MTA3: variants seen among roughly 807,000 people sequenced by gnomAD.
The protein encoded by MTA3 is metastasis-associated protein MTA3.
In MTA3, 34 loss-of-function variants were observed where a neutral mutation model predicts 83.5. The observed-to-expected ratio is 0.41, with a 90% CI of 0.31 to 0.54. MTA3 has a LOEUF of 0.54. MTA3 is among the 20% of genes least tolerant of loss of function. The pLI is 0.33. For synonymous variants in MTA3, 303 were observed against 252.7 expected (o/e 1.20, Z -1.89); for missense variants, 761 against 726.4 (o/e 1.05, Z -0.55).
At chr2:42,577,691 G>A (rs1055008659) in intron 2 of MTA3, among the ~76,000 whole-genome samples, 8 of 152,072 alleles carry the variant, frequency 5.3e-5, no homozygotes, top group African/African-American at 1.9e-4. Flanking sequence ...ATGTTGGCCA[G>A]GCTGGTCTAG....
rs565126165 is a variant in MTA3, at chr2:42,538,008, A to G, written c.-140-32429A>G. 6.4e-4 allele frequency among the ~76,000 whole-genome samples: 97 copies of G among 152,206 alleles called. 2 individuals carry two copies. The highest frequency in any genetic ancestry group is 2.2e-3 in the African/African-American group (91 of 41,540). On this transcript the variant is annotated intron_variant, in intron 2 of 17. Coordinates refer to the MTA3 transcript ENST00000405592. ...AGCACTTTGGGTGGCCGAGGCAGGC[A>G]GATCACGAGGTCAGGAGATTGAGAC... is the stretch of plus-strand genomic sequence containing the variant.
chr2:42,598,810 A>T (rs1476379319), intron 3 of MTA3, among the ~76,000 whole-genome samples: 2 of 152,170 alleles, frequency 1.3e-5, no homozygotes, highest in Admixed American at 6.5e-5. Context: ...AAATCATAAG[A>T]CATGCAGAAA....
chr2:42,600,518 A>G (rs1682427382), intron 3 of MTA3, among the ~76,000 whole-genome samples: 1 of 142,380 alleles, frequency 7.0e-6, no homozygotes, highest in South Asian at 2.2e-4. Flanking sequence ...TTTTTTTTGC[A>G]TCCCCTTTCC....
chr2:42,497,028 A>C (rs1429318309), intron 2 of MTA3, among the ~76,000 whole-genome samples: 3 of 152,030 alleles, frequency 2.0e-5, no homozygotes, highest in African/African-American at 7.2e-5. Flanking sequence ...CAACATGGTG[A>C]AACCCGTTTC....
intron 3 of MTA3, among the ~76,000 whole-genome samples, chr2:42,594,934 T>C (rs1297448200): frequency 2.1e-5 from 3 of 145,744 alleles, no homozygotes; most frequent in African/African-American, 7.6e-5. Flanking sequence ...ATTTATTTTT[T>C]AGTAGAGATG....
At chr2:42,649,779 T>C (rs983641048) in intron 6 of MTA3, among the ~76,000 whole-genome samples, 1 of 152,186 alleles carries the variant, frequency 6.6e-6, no homozygotes, top group African/African-American at 2.4e-5. Flanking sequence ...TCTGAAGATA[T>C]TTCCTTCAGT....
chr2:42,697,820 A>G lies in MTA3; in HGVS notation c.1011A>G (p.Val337=). 4 of 1,542,702 alleles carry G rather than the reference A, an allele frequency of 2.6e-6. No individual in the cohort carries two copies. Among genetic ancestry groups the G allele is most frequent in the Non-Finnish European group, 3.5e-6 (4 of 1,144,706 alleles). Residue 337 remains valine, a synonymous_variant, in exon 11 of 17, where the codon GTA becomes GTG. Coordinates refer to ENST00000405094, the MANE Select transcript of MTA3 (RefSeq NM_001330442.2). ...AAGCTGAGAGTAAACTGAAACAAGT[A>G]TATATCCCAACCTAGTAAGTAATTG... is the stretch of plus-strand genomic sequence containing the variant. The part of the protein sequence containing the change: ...AAEAESKLKQ[V]YIPTYSKPNP...
chr2:42,505,341 G>A (rs1279281157), intron 2 of MTA3, among the ~76,000 whole-genome samples: 2 of 152,048 alleles, frequency 1.3e-5, no homozygotes, highest in Non-Finnish European at 1.5e-5. Flanking sequence ...GCAGTGAGCC[G>A]AGATCGTGCC....
chr2:42,714,829 C>G (rs1258846009), intron 14 of MTA3, among the ~76,000 whole-genome samples: 2 of 152,182 alleles, frequency 1.3e-5, no homozygotes, highest in African/African-American at 4.8e-5. Flanking sequence ...CATAGCGGTT[C>G]ACAATAGGGT....
upstream of MTA3, chr2:42,568,140 G>T (rs1182859114): frequency 6.6e-6 from 1 of 152,324 alleles, no homozygotes; most frequent in Non-Finnish European, 1.5e-5. Context: ...GCACCCTGCT[G>T]CCTGCACTTA....
At chr2:42,617,427 TA>T (rs911965987) in intron 4 of MTA3, among the ~76,000 whole-genome samples, 5 of 152,254 alleles carry the variant, frequency 3.3e-5, no homozygotes, top group African/African-American at 4.8e-5. Flanking sequence ...TGTTTTGATA[TA>T]AAAAAAGCAA....
At chr2:42,701,643 C>A (rs1665568712) in intron 11 of MTA3, among the ~76,000 whole-genome samples, 2 of 152,006 alleles carry the variant, frequency 1.3e-5, no homozygotes, top group African/African-American at 2.4e-5. Flanking sequence ...TGGCTGGGCA[C>A]AGTGACTTAC....
intron 2 of MTA3, among the ~76,000 whole-genome samples, chr2:42,536,336 C>G (rs564099390): frequency 2.0e-5 from 3 of 151,362 alleles, no homozygotes; most frequent in African/African-American, 7.3e-5. Flanking sequence ...TTAGCTGGGC[C>G]TGGTGGCACA....
At chr2:42,562,862 C>T (rs1465907040) in intron 2 of MTA3, among the ~76,000 whole-genome samples, 3 of 152,166 alleles carry the variant, frequency 2.0e-5, no homozygotes, top group Non-Finnish European at 4.4e-5. Context: ...TTTCCAAAGG[C>T]ACCTCGAACA....
chr2:42,607,422 C>G (rs1683610080), intron 3 of MTA3, among the ~76,000 whole-genome samples: 1 of 152,164 alleles, frequency 6.6e-6, no homozygotes, highest in Non-Finnish European at 1.5e-5. Flanking sequence ...CTGTATCGCC[C>G]AGGCTGGAGT....
At chr2:42,552,475 AG>A (rs1677159791) in intron 2 of MTA3, among the ~76,000 whole-genome samples, 1 of 152,210 alleles carries the variant, frequency 6.6e-6, no homozygotes, top group Admixed American at 6.5e-5. Context: ...TCCTAGCCCC[AG>A]GGGGTGGTGG....
intron 2 of MTA3, among the ~76,000 whole-genome samples, chr2:42,538,042 C>T (rs773740315): frequency 1.3e-5 from 2 of 151,790 alleles, no homozygotes; most frequent in Non-Finnish European, 2.9e-5. Flanking sequence ...ACCATCCTGG[C>T]TAACACGGTG....
At chr2:42,644,021 A>G (rs943652602) in intron 5 of MTA3, 106 bp from the exon 6 acceptor site, 7 of 598,986 alleles carry the variant, frequency 1.2e-5, no homozygotes, top group Non-Finnish European at 1.6e-5. Flanking sequence ...ATGAAATTTT[A>G]TATACTCTCT....
At chr2:42,719,755 T>C (rs1339486302) in intron 15 of MTA3, among the ~76,000 whole-genome samples, 1 of 152,218 alleles carries the variant, frequency 6.6e-6, no homozygotes, top group African/African-American at 2.4e-5. Context: ...TATCATGCCA[T>C]CTGACTTGGA....
Sources: allele counts gnomAD v4.1 joint callset (sites outside exome capture counted in the v4.1 genomes callset), GRCh38; gene constraint gnomAD v4.1.1; transcripts MANE v1.5; gene names NCBI Gene and HGNC (gene_info 2026-07-23, HGNC 2026-07-21).